VAV3: variants seen among roughly 807,000 people sequenced by gnomAD.
VAV3 encodes guanine nucleotide exchange factor VAV3.
VAV3 carries 94 observed loss-of-function variants against 131.2 expected under a neutral mutation model. That is an observed-to-expected ratio of 0.72 (90% CI 0.61 to 0.85). The LOEUF (loss-of-function observed/expected upper bound fraction) is 0.85, where lower values mean the gene tolerates loss of function less well. Ranked by LOEUF, VAV3 falls within the 40% of genes least tolerant of loss-of-function variation. VAV3 has a pLI of 0.00. For missense variants in VAV3, 939 were observed against 1,002.7 expected, an observed-to-expected ratio of 0.94 and a Z score of 0.86; for synonymous variants, 349 against 342.0, an observed-to-expected ratio of 1.02 and a Z score of -0.22.
At chr1:107,783,370 G>A (rs1665802071) in intron 2 of VAV3, among the ~76,000 whole-genome samples, 1 of 152,192 alleles carries the variant, frequency 6.6e-6, no homozygotes, top group South Asian at 2.1e-4. Flanking sequence ...TGAGAGGTGA[G>A]GCACTGGAAC....
chr1:107,919,268 T>C (rs1418383578), intron 1 of VAV3, among the ~76,000 whole-genome samples: 1 of 152,238 alleles, frequency 6.6e-6, no homozygotes, highest in Admixed American at 6.5e-5. Context: ...GGAACTATTA[T>C]ACTACTGCTC....
intron 3 of VAV3, 107 bp downstream of exon 3, chr1:107,779,327 T>A: frequency 1.0e-6 from 1 of 963,558 alleles, no homozygotes; most frequent in Admixed American, 3.1e-5. Context: ...TCTTCATGAA[T>A]GAGACATAGT....
At chr1:107,927,034 G>C (rs901185124) in intron 1 of VAV3, among the ~76,000 whole-genome samples, 1 of 152,154 alleles carries the variant, frequency 6.6e-6, no homozygotes, top group South Asian at 2.1e-4. Flanking sequence ...AGCTCCAAAA[G>C]AGAATCCTTC....
At chr1:107,718,680 C>T (rs1233809972) in intron 15 of VAV3, among the ~76,000 whole-genome samples, 1 of 152,186 alleles carries the variant, frequency 6.6e-6, no homozygotes, top group Non-Finnish European at 1.5e-5. Flanking sequence ...CTACCAATGA[C>T]TTTCTTCACA....
chr1:107,950,350 T>C (rs979400176), intron 1 of VAV3, among the ~76,000 whole-genome samples: 1 of 152,120 alleles, frequency 6.6e-6, no homozygotes, highest in African/African-American at 2.4e-5. Flanking sequence ...GTCACCATTG[T>C]AGTGTGTGGA....
chr1:107,948,646 C>A (rs952995806), intron 1 of VAV3, among the ~76,000 whole-genome samples: 1 of 152,178 alleles, frequency 6.6e-6, no homozygotes, highest in Non-Finnish European at 1.5e-5. Flanking sequence ...CAGTTCAAGA[C>A]CAGCCTAGCC....
chr1:107,749,088 T>C lies in VAV3; in HGVS notation c.1393-11A>G, dbSNP rs1007585841. On this transcript the variant is annotated splice_polypyrimidine_tract_variant and intron_variant, in intron 14 of 26. Transcript: ENST00000370056. ...GAAGCCATAAGACCACTGTTAAAAT[T>C]AATATTCCTTAGATTAATATGTATC... The C allele has an allele frequency of 1.3e-6, 2 of 1,524,548 alleles. No homozygotes were observed. The highest frequency in any genetic ancestry group is 4.5e-5 in the East Asian group (2 of 44,268). The allele number at this position is 1,524,548 out of a possible 1,614,324, so 94.4% of individuals were successfully genotyped here. A position where few individuals can be genotyped will look rare whatever the true frequency, so the allele number is the denominator to read the frequency against.
At chr1:107,705,209 CA>C in intron 15 of VAV3, 148 bp from the exon 16 acceptor site, 2 of 657,778 alleles carry the variant, frequency 3.0e-6, no homozygotes, top group Non-Finnish European at 5.2e-6. Context: ...TTTTCTAAGC[CA>C]AAAGTATGCT....
At chr1:107,778,830 C>T (rs1665522198) in intron 3 of VAV3, among the ~76,000 whole-genome samples, 1 of 152,150 alleles carries the variant, frequency 6.6e-6, no homozygotes, top group African/African-American at 2.4e-5. Context: ...ACTGATCTAA[C>T]TTAAGTATGT....
At chr1:107,931,423 TA>T (rs1673433762) in intron 1 of VAV3, among the ~76,000 whole-genome samples, 1 of 152,092 alleles carries the variant, frequency 6.6e-6, no homozygotes, top group Non-Finnish European at 1.5e-5. Flanking sequence ...CAATTAAAAA[TA>T]AAAAATATAC....
intron 1 of VAV3, among the ~76,000 whole-genome samples, chr1:107,947,721 C>T (rs1674336788): frequency 6.6e-6 from 1 of 152,164 alleles, no homozygotes; most frequent in African/African-American, 2.4e-5. Context: ...CCTCCCACTG[C>T]AGAACTACTG....
intron 1 of VAV3, among the ~76,000 whole-genome samples, chr1:107,884,783 A>G (rs2101044392): frequency 6.6e-6 from 1 of 152,144 alleles, no homozygotes; most frequent in Non-Finnish European, 1.5e-5. Context: ...AAAATATAAA[A>G]ATTTTTAAAA....
In VAV3 at chr1:107,855,106, A is replaced by G. The variant is rs148429717; in HGVS notation, c.321+19795T>C. ...GGAATGGTACACATTACTGCTGCAC[A>G]CAATCCACTGGCTAAAACTTGGTCA... On this transcript the variant is annotated intron_variant, in intron 2 of 26. Coordinates refer to ENST00000370056, the MANE Select transcript of VAV3 (RefSeq NM_006113.5). Among the ~76,000 whole-genome samples the G allele has an allele frequency of 2.1e-4, 32 of 152,260 alleles. 1 individual carries two copies. The East Asian group carries it at 6.0e-3, about 28-fold the overall frequency.
intron 15 of VAV3, among the ~76,000 whole-genome samples, chr1:107,722,251 A>T (rs1261876036): frequency 6.6e-6 from 1 of 152,180 alleles, no homozygotes; most frequent in Non-Finnish European, 1.5e-5. Context: ...TCCCCACTCA[A>T]AACTAATTAC....
chr1:107,750,965 G>T (rs1663684363), intron 13 of VAV3, 152 bp downstream of exon 13: 3 of 722,580 alleles, frequency 4.2e-6, no homozygotes, highest in Non-Finnish European at 6.7e-6. Flanking sequence ...AGATAATCTA[G>T]ATTTAAAAAA....
intron 1 of VAV3, among the ~76,000 whole-genome samples, chr1:107,899,376 C>T (rs1054610551): frequency 1.3e-5 from 2 of 152,116 alleles, no homozygotes; most frequent in Non-Finnish European, 2.9e-5. Context: ...TTAGGTTCTG[C>T]GCAAGGTGCT....
At chr1:107,732,024 G>A (rs1175824710) in intron 15 of VAV3, among the ~76,000 whole-genome samples, 2 of 152,104 alleles carry the variant, frequency 1.3e-5, no homozygotes, top group Non-Finnish European at 2.9e-5. Flanking sequence ...AAAAATATTT[G>A]GTTGCAAATG....
chr1:107,826,245 C>T (rs1453797452), intron 2 of VAV3, among the ~76,000 whole-genome samples: 1 of 152,022 alleles, frequency 6.6e-6, no homozygotes, highest in Non-Finnish European at 1.5e-5. Context: ...TTATAATAGG[C>T]AAGCTGGAGG....
At chr1:107,759,833 A>G (rs1664317519) in intron 10 of VAV3, among the ~76,000 whole-genome samples, 1 of 152,168 alleles carries the variant, frequency 6.6e-6, no homozygotes, top group East Asian at 1.9e-4. Context: ...AAAGTTACAA[A>G]ATAAATTATT....
Sources: gnomAD v4.1 joint callset for allele counts (sites outside exome capture counted in the v4.1 genomes callset) on GRCh38, gnomAD v4.1.1 for gene constraint, MANE v1.5 for transcripts, NCBI Gene and HGNC (gene_info 2026-07-23, HGNC 2026-07-21) for gene names.